Variants in NCKAP5 observed in about 807,000 individuals in gnomAD.
NCKAP5 encodes nck-associated protein 5.
A neutral mutation model predicts 167.0 loss-of-function variants in NCKAP5; 92 were observed. That is an observed-to-expected ratio of 0.55 (90% CI 0.47 to 0.66). The LOEUF (loss-of-function observed/expected upper bound fraction) is 0.66. Ranked by LOEUF, NCKAP5 falls within the 30% of genes least tolerant of loss-of-function variation. NCKAP5 has a pLI of 0.00. For missense variants in NCKAP5, 2,378 were observed against 2,315.0 expected, an observed-to-expected ratio of 1.03 and a Z score of -0.56; for synonymous variants, 891 against 877.4, an observed-to-expected ratio of 1.02 and a Z score of -0.27.
intron 16 of NCKAP5, among the ~76,000 whole-genome samples, chr2:132,760,054 T>C (rs184060393): frequency 1.3e-5 from 2 of 152,276 alleles, no homozygotes; most frequent in East Asian, 1.9e-4. Flanking sequence ...ATCATTTTCC[T>C]TAACAATATA....
intron 2 of NCKAP5, among the ~76,000 whole-genome samples, chr2:133,527,936 G>A (rs1000734875): frequency 2.0e-5 from 3 of 152,200 alleles, no homozygotes; most frequent in Middle Eastern, 3.4e-3. Flanking sequence ...GTGGTGGCAC[G>A]TGCTTGTAGT....
chr2:133,260,638 G>A (rs972717970), intron 4 of NCKAP5, among the ~76,000 whole-genome samples: 1 of 152,198 alleles, frequency 6.6e-6, no homozygotes, highest in Non-Finnish European at 1.5e-5. Flanking sequence ...GGAAAAAACA[G>A]TGGAGCGAGT....
At chr2:133,484,125 C>G (rs1575040439) in intron 3 of NCKAP5, among the ~76,000 whole-genome samples, 1 of 152,126 alleles carries the variant, frequency 6.6e-6, no homozygotes, top group East Asian at 1.9e-4. Context: ...CCACCAGTGT[C>G]TAGATCCTTT....
chr2:133,181,274 T>TACTTA (rs1487022469), intron 5 of NCKAP5, among the ~76,000 whole-genome samples: 2 of 152,020 alleles, frequency 1.3e-5, no homozygotes, highest in Non-Finnish European at 2.9e-5. Flanking sequence ...ACTTCTTAGT[T>TACTTA]ATGTATATAT....
At chr2:133,345,818 G>A (rs116352327) in intron 3 of NCKAP5, among the ~76,000 whole-genome samples, 2,038 of 152,230 alleles carry the variant, frequency 0.013, 45 homozygotes, top group African/African-American at 0.045. Context: ...TAAAGGAAGT[G>A]CAGTTACTGA....
At chr2:132,731,587 T>C in intron 17 of NCKAP5, 150 bp downstream of exon 17, 1 of 763,042 alleles carries the variant, frequency 1.3e-6, no homozygotes, top group South Asian at 1.9e-5. Flanking sequence ...CTTATACACA[T>C]TGTTTTGCTT....
At chr2:133,415,887 T>C (rs1689078856) in intron 3 of NCKAP5, among the ~76,000 whole-genome samples, 1 of 152,344 alleles carries the variant, frequency 6.6e-6, no homozygotes. Flanking sequence ...AGAGATCAAA[T>C]GCGGTTTTGA....
intron 3 of NCKAP5, among the ~76,000 whole-genome samples, chr2:133,462,080 G>C (rs1390162620): frequency 1.3e-5 from 2 of 152,210 alleles, no homozygotes; most frequent in Non-Finnish European, 2.9e-5. Flanking sequence ...ATTTCACATA[G>C]GGAATGTATT....
chr2:132,979,787 C>T (rs768621643), intron 7 of NCKAP5, among the ~76,000 whole-genome samples: 10 of 152,286 alleles, frequency 6.6e-5, no homozygotes, highest in Middle Eastern at 6.8e-3. Flanking sequence ...CAAAGACCAA[C>T]TCGACTCCCA....
intron 3 of NCKAP5, among the ~76,000 whole-genome samples, chr2:133,486,301 G>T (rs1680899076): frequency 6.6e-6 from 1 of 152,184 alleles, no homozygotes; most frequent in Non-Finnish European, 1.5e-5. Flanking sequence ...TTTTAAAGAA[G>T]AAAGGTCTTA....
chr2:133,487,796 C>T (rs1227314761), intron 3 of NCKAP5, among the ~76,000 whole-genome samples: 1 of 152,132 alleles, frequency 6.6e-6, no homozygotes, highest in Non-Finnish European at 1.5e-5. Context: ...AGCAGTAGCA[C>T]CCAGAAAGAC....
At chr2:132,900,757 T>A (rs1199523295) in intron 8 of NCKAP5, among the ~76,000 whole-genome samples, 3 of 151,888 alleles carry the variant, frequency 2.0e-5, no homozygotes, top group Non-Finnish European at 4.4e-5. Flanking sequence ...GAACACCAGA[T>A]TGAGACCAGC....
intron 5 of NCKAP5, among the ~76,000 whole-genome samples, chr2:133,165,870 C>T (rs1191538265): frequency 6.6e-6 from 1 of 152,200 alleles, no homozygotes. Flanking sequence ...TCATCATCAA[C>T]TTCTCAGATC....
chr2:133,256,596 G>T (rs1046456809), intron 4 of NCKAP5, among the ~76,000 whole-genome samples: 3 of 152,094 alleles, frequency 2.0e-5, no homozygotes, highest in African/African-American at 7.2e-5. Flanking sequence ...TAAAAAAATA[G>T]ATAAATGTAA....
rs560964737 is a variant in NCKAP5, at chr2:132,782,625, A to G, written c.4186T>C (p.Cys1396Arg). The change falls in exon 14 of 20, where the codon TGC becomes CGC. Residue 1396 changes from cysteine (C) to arginine (R), a missense_variant. Around this residue, in one of 3 missense-constraint regions of NCKAP5, gnomAD observed 1,325 missense variants for 1,274.5 expected, o/e 1.04. Transcript: ENST00000409261. The stretch of plus-strand genomic sequence containing the variant: ...AGTACAGCCACATTGGCACTGGGGC[A>G]CTCTCCCTGGGTGAAGGCCTGCTGG... ...EDQQAFTQGE[C>R]PSANVAVLGE... is the part of the protein sequence containing the mutation. The G allele has an allele frequency of 6.9e-6, 11 of 1,599,526 alleles. No homozygotes were observed. The African/African-American group carries it at 1.2e-4, about 18-fold the overall frequency.
Position 133,466,015 on chromosome 2 carries a change from G to T in NCKAP5, c.69+51443C>A, listed in dbSNP as rs1243445714. Among the ~76,000 whole-genome samples the T allele has an allele frequency of 5.3e-3, 804 of 151,574 alleles. 11 individuals are homozygous for T. The highest frequency in any genetic ancestry group is 0.018 in the African/African-American group (752 of 41,078). ...CTGTGCAGAAGTTCTTTAGTTTAAT[G>T]AGATCCCATTTGTCAATTTTGTCTT... On this transcript the variant is annotated intron_variant, in intron 3 of 19. Coordinates refer to ENST00000409261, the MANE Select transcript of NCKAP5 (RefSeq NM_207363.3).
chr2:133,658,492 G>A, the NCKAP5 span, among the ~76,000 whole-genome samples: 1 of 152,178 alleles, frequency 6.6e-6, no homozygotes, highest in Non-Finnish European at 1.5e-5. Flanking sequence ...AGGGTGGAAA[G>A]ATTGGCCCCC....
chr2:132,860,105 G>A (rs1177910671), intron 11 of NCKAP5, among the ~76,000 whole-genome samples: 1 of 152,078 alleles, frequency 6.6e-6, no homozygotes, highest in Non-Finnish European at 1.5e-5. Flanking sequence ...ATCATAAAGA[G>A]TTTGAAATAA....
intron 13 of NCKAP5, among the ~76,000 whole-genome samples, chr2:132,788,834 T>C (rs1214963565): frequency 6.6e-6 from 1 of 152,216 alleles, no homozygotes; most frequent in African/African-American, 2.4e-5. Flanking sequence ...TGTAAGTTAA[T>C]ACTACATGAG....
Sources: allele counts gnomAD v4.1 joint callset (sites outside exome capture counted in the v4.1 genomes callset), GRCh38; gene constraint gnomAD v4.1.1; regional missense constraint gnomAD v4.1.1; transcripts MANE v1.5; gene names NCBI Gene and HGNC (gene_info 2026-07-23, HGNC 2026-07-21).